QKI: variants seen among roughly 807,000 people sequenced by gnomAD.
QKI encodes the protein QKI, KH domain containing RNA binding.
A neutral mutation model predicts 39.0 loss-of-function variants in QKI; 10 were observed. That is an observed-to-expected ratio of 0.26 (90% CI 0.16 to 0.43). The LOEUF (loss-of-function observed/expected upper bound fraction) is 0.43. Among genes scored for constraint, QKI ranks in the 20% least tolerant of loss-of-function variants. The pLI, the probability that QKI is intolerant of heterozygous loss-of-function variation, is 1.00. For missense variants in QKI, 218 were observed against 428.0 expected (o/e 0.51, Z 4.33); for synonymous variants, 204 against 155.4 (o/e 1.31, Z -2.33).
intron 3 of QKI, among the ~76,000 whole-genome samples, chr6:163,523,492 T>C (rs911872809): frequency 6.6e-6 from 1 of 152,202 alleles, no homozygotes; most frequent in Non-Finnish European, 1.5e-5. Context: ...TGGTTTCTTA[T>C]ATAGAAGGAC....
chr6:163,536,927 G>T (rs1447967365), intron 4 of QKI, among the ~76,000 whole-genome samples: 1 of 152,168 alleles, frequency 6.6e-6, no homozygotes, highest in Non-Finnish European at 1.5e-5. Flanking sequence ...ATTGGAACAT[G>T]GCCAAGCATG....
chr6:163,511,295 C>T (rs1285813979), intron 3 of QKI, among the ~76,000 whole-genome samples: 1 of 151,898 alleles, frequency 6.6e-6, no homozygotes, highest in Non-Finnish European at 1.5e-5. Context: ...TATCTAATTT[C>T]CTACCTAATT....
intron 2 of QKI, 146 bp downstream of exon 2, chr6:163,455,567 A>C (rs1041624662): frequency 1.2e-6 from 1 of 830,500 alleles, no homozygotes; most frequent in Non-Finnish European, 1.8e-6. Context: ...TGGCATGATA[A>C]TTTAAAAAAT....
intron 2 of QKI, among the ~76,000 whole-genome samples, chr6:163,456,687 G>A (rs1790944899): frequency 6.6e-6 from 1 of 152,016 alleles, no homozygotes; most frequent in East Asian, 1.9e-4. Flanking sequence ...GGTTTTATAG[G>A]TATTTTTGGT....
intron 2 of QKI, among the ~76,000 whole-genome samples, chr6:163,458,455 G>A (rs1277239096): frequency 6.6e-6 from 1 of 152,168 alleles, no homozygotes; most frequent in Non-Finnish European, 1.5e-5. Context: ...GATAAATGGT[G>A]TATTCACAAT....
chr6:163,505,244 C>A (rs1779020727), intron 3 of QKI, among the ~76,000 whole-genome samples: 1 of 152,208 alleles, frequency 6.6e-6, no homozygotes, highest in African/African-American at 2.4e-5. Flanking sequence ...TCATGGAGAA[C>A]CTCTGCTACG....
intron 4 of QKI, among the ~76,000 whole-genome samples, chr6:163,537,235 C>G (rs900506868): frequency 6.6e-6 from 1 of 152,106 alleles, no homozygotes; most frequent in Non-Finnish European, 1.5e-5. Flanking sequence ...TTATAAACCC[C>G]TATACTTCTT....
intron 2 of QKI, among the ~76,000 whole-genome samples, chr6:163,465,364 C>G (rs115221690): frequency 6.6e-6 from 1 of 152,048 alleles, no homozygotes; most frequent in Non-Finnish European, 1.5e-5. Flanking sequence ...AGTGGTGGCT[C>G]ATGGCTCTGA....
chr6:163,524,968 A>G lies in QKI; in HGVS notation c.403-10014A>G, dbSNP rs191363148. ...CTTTTGTAGATGAGGAAACTGAAGC[A>G]TAGATAAATTCAAGCATTTTGCCTA... On this transcript the variant is annotated intron_variant, in intron 3 of 7. Coordinates refer to ENST00000361752, the MANE Select transcript of QKI (RefSeq NM_006775.3). Among the ~76,000 whole-genome samples the G allele has an allele frequency of 8.5e-5, 13 of 152,350 alleles. No homozygotes were observed. In the East Asian group the frequency reaches 2.1e-3, roughly 25 times the overall value.
chr6:163,429,409 C>A (rs1465718105), intron 1 of QKI, among the ~76,000 whole-genome samples: 1 of 151,982 alleles, frequency 6.6e-6, no homozygotes, highest in Non-Finnish European at 1.5e-5. Context: ...AAAATTATAT[C>A]ATGAGCAAAA....
In QKI at chr6:163,455,274, A is replaced by C. The variant is rs1218100007; in HGVS notation, c.143-5A>C. 3.1e-6 allele frequency: 5 copies of C among 1,597,728 alleles called. No individual in the cohort carries two copies. Among genetic ancestry groups the C allele is most frequent in the Non-Finnish European group, 2.6e-6 (3 of 1,173,804 alleles). ...TAACACATTTAAAATTTTTACTTTT[A>C]ACAGAAATTAGCAGAGTACGGAAAG... On this transcript the variant is annotated splice_polypyrimidine_tract_variant and splice_region_variant and intron_variant, in intron 1 of 7. Coordinates refer to ENST00000361752, the MANE Select transcript of QKI (RefSeq NM_006775.3).
At chr6:163,496,440 C>T (rs1034509786) in intron 3 of QKI, among the ~76,000 whole-genome samples, 16 of 152,058 alleles carry the variant, frequency 1.1e-4, no homozygotes, top group African/African-American at 3.6e-4. Context: ...TTGCTTGGCC[C>T]CAAGATATGA....
intron 2 of QKI, among the ~76,000 whole-genome samples, chr6:163,465,626 CAAAAAA>C (rs35130458): frequency 1.0e-5 from 1 of 95,772 alleles, no homozygotes; most frequent in African/African-American, 3.6e-5. Context: ...AAGACTGTCT[CAAAAAA>C]AAAAAAAAAA....
intron 4 of QKI, among the ~76,000 whole-genome samples, chr6:163,552,206 CTT>C (rs35060699): frequency 1.5e-4 from 15 of 101,782 alleles, no homozygotes; most frequent in African/African-American, 4.9e-4. Context: ...TTCGTTCGTT[CTT>C]TTTTTTTTTT....
intron 1 of QKI, among the ~76,000 whole-genome samples, chr6:163,439,354 T>TTTTG (rs201292493): frequency 2.2e-5 from 3 of 133,360 alleles, no homozygotes; most frequent in Non-Finnish European, 3.3e-5. Context: ...TTTTTTTTTT[T>TTTTG]CGGGGGGGTG....
At chr6:163,460,163 T>A (rs898114515) in intron 2 of QKI, among the ~76,000 whole-genome samples, 3 of 152,212 alleles carry the variant, frequency 2.0e-5, no homozygotes, top group African/African-American at 7.2e-5. Context: ...ATTGGTAAAC[T>A]GCTTCCTTTG....
intron 1 of QKI, among the ~76,000 whole-genome samples, chr6:163,442,729 T>G (rs1789849949): frequency 6.6e-6 from 1 of 152,006 alleles, no homozygotes; most frequent in Admixed American, 6.6e-5. Flanking sequence ...GGCTTAGGAG[T>G]TTAGTCTTGA....
chr6:163,496,114 A>T (rs1778389214), intron 3 of QKI, among the ~76,000 whole-genome samples: 1 of 152,150 alleles, frequency 6.6e-6, no homozygotes, highest in East Asian at 1.9e-4. Context: ...ATAGGTTAAG[A>T]TCTCTTTCAG....
intron 3 of QKI, among the ~76,000 whole-genome samples, chr6:163,525,611 C>A (rs1420839928): frequency 6.6e-6 from 1 of 152,250 alleles, no homozygotes; most frequent in East Asian, 1.9e-4. Flanking sequence ...CCCCCCTCCC[C>A]GCCTCGGCCA....
Sources: gnomAD v4.1 joint callset for allele counts (sites outside exome capture counted in the v4.1 genomes callset) on GRCh38, gnomAD v4.1.1 for gene constraint, MANE v1.5 for transcripts, NCBI Gene and HGNC (gene_info 2026-07-23, HGNC 2026-07-21) for gene names.